CNTNAP2: variants seen among roughly 807,000 people sequenced by gnomAD.
The protein encoded by CNTNAP2 is contactin-associated protein-like 2.
Under a neutral mutation model 155.2 loss-of-function variants are expected in CNTNAP2, and 98 were observed. The ratio of observed to expected loss-of-function variants is 0.63; its 90% CI spans 0.54 to 0.75. The LOEUF is 0.75. Ranked by LOEUF, CNTNAP2 falls within the 30% of genes least tolerant of loss-of-function variation. The pLI is 0.00. For synonymous variants in CNTNAP2, 651 were observed against 631.2 expected, an observed-to-expected ratio of 1.03 and a Z score of -0.47; for missense variants, 1,727 against 1,688.1, an observed-to-expected ratio of 1.02 and a Z score of -0.40.
chr7:146,117,027 G>T, intron 1 of CNTNAP2, 54 bp downstream of exon 1: 1 of 1,456,568 alleles, frequency 6.9e-7, no homozygotes, highest in Non-Finnish European at 9.4e-7. Context: ...CGGCATTGAT[G>T]TTTGGCACCA....
intron 15 of CNTNAP2, among the ~76,000 whole-genome samples, chr7:148,026,848 T>A (rs1029482518): frequency 6.6e-6 from 1 of 152,182 alleles, no homozygotes. Context: ...CAAAACCTCA[T>A]GTTGTCAAAA....
intron 1 of CNTNAP2, among the ~76,000 whole-genome samples, chr7:146,175,727 C>T (rs568447327): frequency 1.1e-3 from 161 of 152,252 alleles, no homozygotes; most frequent in African/African-American, 2.5e-3. Context: ...ATGTGCTTTT[C>T]GGTTTCCATA....
At chr7:146,147,563 C>T (rs1797974949) in intron 1 of CNTNAP2, among the ~76,000 whole-genome samples, 1 of 151,950 alleles carries the variant, frequency 6.6e-6, no homozygotes, top group South Asian at 2.1e-4. Context: ...AGGCATATAC[C>T]AGGATCAAAT....
intron 21 of CNTNAP2, among the ~76,000 whole-genome samples, chr7:148,354,990 C>A (rs1486434944): frequency 6.6e-6 from 1 of 152,000 alleles, no homozygotes; most frequent in Non-Finnish European, 1.5e-5. Flanking sequence ...ATTGATTAAA[C>A]AATGGAAAGC....
At chr7:146,640,763 C>T (rs575905618) in intron 1 of CNTNAP2, among the ~76,000 whole-genome samples, 2 of 151,934 alleles carry the variant, frequency 1.3e-5, no homozygotes, top group East Asian at 1.9e-4. Flanking sequence ...ATCTTGACTG[C>T]GAAAATTTTA....
At chr7:148,383,949 A>G in intron 22 of CNTNAP2, 61 bp downstream of exon 22, 1 of 1,562,926 alleles carries the variant, frequency 6.4e-7, no homozygotes, top group Admixed American at 1.9e-5. Flanking sequence ...GTCTCTTGGG[A>G]CTATGGAATG....
chr7:147,831,746 C>T (rs1192706960), intron 13 of CNTNAP2: 1 of 152,154 alleles, frequency 6.6e-6, no homozygotes, highest in Non-Finnish European at 1.5e-5. Context: ...ATTTTAGTTG[C>T]TTAACAGATT....
At chr7:146,906,728 T>C (rs1271350796) in intron 3 of CNTNAP2, among the ~76,000 whole-genome samples, 4 of 151,954 alleles carry the variant, frequency 2.6e-5, no homozygotes, top group African/African-American at 9.7e-5. Flanking sequence ...AACTGGAAAC[T>C]CTAAAACGCA....
At chr7:146,169,829 T>TTA (rs925615825) in intron 1 of CNTNAP2, among the ~76,000 whole-genome samples, 26 of 151,552 alleles carry the variant, frequency 1.7e-4, no homozygotes, top group African/African-American at 6.3e-4. Context: ...TAATATTTTA[T>TTA]TATATATATC....
At chr7:146,703,793 G>A (rs1800917546) in intron 1 of CNTNAP2, among the ~76,000 whole-genome samples, 1 of 152,070 alleles carries the variant, frequency 6.6e-6, no homozygotes, top group Non-Finnish European at 1.5e-5. Context: ...ACATCACATT[G>A]GGGATTAGGC....
intron 21 of CNTNAP2, among the ~76,000 whole-genome samples, chr7:148,288,568 C>G (rs1174058278): frequency 1.3e-5 from 2 of 152,130 alleles, no homozygotes; most frequent in African/African-American, 4.8e-5. Context: ...CAAACCATAG[C>G]ATCTTCTTTA....
chr7:147,142,121 G>C (rs1801610460), intron 8 of CNTNAP2, among the ~76,000 whole-genome samples: 2 of 152,144 alleles, frequency 1.3e-5, no homozygotes, highest in African/African-American at 4.8e-5. Context: ...TTGAATAGGA[G>C]TGGTGAGAGA....
chr7:146,506,201 C>T (rs1165992193), intron 1 of CNTNAP2, among the ~76,000 whole-genome samples: 1 of 152,180 alleles, frequency 6.6e-6, no homozygotes, highest in Non-Finnish European at 1.5e-5. Flanking sequence ...GTGGCCGTGT[C>T]TACAGCTGTC....
intron 3 of CNTNAP2, among the ~76,000 whole-genome samples, chr7:147,001,342 T>G (rs2129241031): frequency 6.6e-6 from 1 of 152,160 alleles, no homozygotes; most frequent in Admixed American, 6.6e-5. Flanking sequence ...TTGACTATTC[T>G]TAATGTCCTT....
intron 1 of CNTNAP2, among the ~76,000 whole-genome samples, chr7:146,117,975 A>AT (rs1311296921): frequency 6.6e-5 from 10 of 152,238 alleles, no homozygotes; most frequent in East Asian, 3.9e-4. Flanking sequence ...TAAAAGGAAG[A>AT]TTTTTTTGTC....
intron 21 of CNTNAP2, among the ~76,000 whole-genome samples, chr7:148,311,643 A>G (rs958842472): frequency 1.3e-5 from 2 of 152,122 alleles, no homozygotes; most frequent in Non-Finnish European, 2.9e-5. Flanking sequence ...CCTGAAGAGT[A>G]GCAGAATAGC....
intron 8 of CNTNAP2, among the ~76,000 whole-genome samples, chr7:147,203,684 A>T (rs965138816): frequency 3.9e-5 from 6 of 152,198 alleles, no homozygotes; most frequent in Non-Finnish European, 7.4e-5. Flanking sequence ...TTTTGCATTA[A>T]TATTACCATG....
chr7:146,756,416 A>G (rs1467212222), intron 1 of CNTNAP2, among the ~76,000 whole-genome samples: 5 of 152,148 alleles, frequency 3.3e-5, no homozygotes, highest in Admixed American at 6.5e-5. Flanking sequence ...TTGTACTACT[A>G]TAAGTACCCA....
At chr7:147,890,243 C>T (rs183522889) in intron 13 of CNTNAP2, among the ~76,000 whole-genome samples, 1 of 152,174 alleles carries the variant, frequency 6.6e-6, no homozygotes, top group East Asian at 1.9e-4. Context: ...CAGCATAATT[C>T]AAAACTTGAG....
Sources: gnomAD v4.1 joint callset for allele counts (sites outside exome capture counted in the v4.1 genomes callset) on GRCh38, gnomAD v4.1.1 for gene constraint, MANE v1.5 for transcripts, NCBI Gene and HGNC (gene_info 2026-07-23, HGNC 2026-07-21) for gene names.